The following OSBPL3 variants were observed in gnomAD, a reference collection of about 807,000 sequenced individuals.
OSBPL3 encodes the protein oxysterol-binding protein-related protein 3.
A neutral mutation model predicts 120.1 loss-of-function variants in OSBPL3; 65 were observed. The ratio of observed to expected loss-of-function variants is 0.54; its 90% confidence interval spans 0.44 to 0.67. The LOEUF (loss-of-function observed/expected upper bound fraction) is 0.67. Ranked by LOEUF, OSBPL3 falls within the 30% of genes least tolerant of loss-of-function variation. The probability of loss-of-function intolerance (pLI) is 0.00; values close to 1 mark genes in which losing one functional copy is unlikely to be tolerated. For synonymous variants in OSBPL3, 416 were observed against 402.6 expected, an observed-to-expected ratio of 1.03 and a Z score of -0.40; for missense variants, 1,004 against 1,082.1, an observed-to-expected ratio of 0.93 and a Z score of 1.01.
At chr7:24,923,410 C>T (rs1810647484) in intron 1 of OSBPL3, among the ~76,000 whole-genome samples, 1 of 152,214 alleles carries the variant, frequency 6.6e-6, no homozygotes, top group African/African-American at 2.4e-5. Context: ...CAACCAGATT[C>T]CCTTCCTCAG....
intron 22 of OSBPL3, among the ~76,000 whole-genome samples, chr7:24,801,350 A>G (rs2128091185): frequency 6.6e-6 from 1 of 152,146 alleles, no homozygotes; most frequent in South Asian, 2.1e-4. Flanking sequence ...GACCAAATTC[A>G]AAGGGCGCAA....
Position 24,806,691 on chromosome 7 carries a change from C to G in OSBPL3, c.2444+85G>C, listed in dbSNP as rs949485025. 3.1e-5 allele frequency: 38 copies of G among 1,236,252 alleles called. No individual in the cohort carries two copies. Among genetic ancestry groups the G allele is most frequent in the Non-Finnish European group, 4.1e-5 (36 of 881,274 alleles). The allele number at this position is 1,236,252 out of a possible 1,614,324, so 76.6% of individuals were successfully genotyped here. A position where few individuals can be genotyped will look rare whatever the true frequency, so the allele number is the denominator to read the frequency against. On this transcript the variant is annotated intron_variant, in intron 21 of 22. Coordinates refer to ENST00000313367, the MANE Select transcript of OSBPL3 (RefSeq NM_015550.4). This position sits in a 1 kb window ranked among gnomAD's most constrained non-coding sequence, Gnocchi z 5.2. ...TGACATTTTCCACCTTTCTCAGGTGCCTCTGGTGGCCTAAGGATTGTTAAT... is the reference window on the plus strand; with the variant it reads ...TGACATTTTCCACCTTTCTCAGGTGGCTCTGGTGGCCTAAGGATTGTTAAT...
intron 1 of OSBPL3, among the ~76,000 whole-genome samples, chr7:24,919,402 A>AG (rs1810110347): frequency 6.6e-6 from 1 of 152,148 alleles, no homozygotes; most frequent in African/African-American, 2.4e-5. Context: ...GATAATCCAA[A>AG]GGGGAAATAA....
At chr7:24,911,821 A>G (rs984174059) in intron 1 of OSBPL3, among the ~76,000 whole-genome samples, 3 of 152,234 alleles carry the variant, frequency 2.0e-5, no homozygotes, top group African/African-American at 7.2e-5. Context: ...AACCTGAGAC[A>G]CTTTTAAACT....
At position 24,834,641 on chromosome 7, in the gene OSBPL3, T is replaced by C; in HGVS notation, c.1591A>G (p.Ile531Val). 2.5e-6 allele frequency: 4 copies of C among 1,614,222 alleles called. No individual in the cohort carries two copies. The highest frequency in any genetic ancestry group is 3.4e-6 in the Non-Finnish European group (4 of 1,180,016). The change falls in exon 15 of 23, where the codon ATC becomes GTC. Residue 531 changes from isoleucine (I) to valine (V), a missense_variant. Coordinates refer to ENST00000313367, the MANE Select transcript of OSBPL3 (RefSeq NM_015550.4). The surrounding 1 kb of genome is among the most constrained non-coding windows in gnomAD (Gnocchi z 5.2). ...PSSSNISLWNILRNNIGKDLS... is the reference protein window; with the variant it reads ...PSSSNISLWNVLRNNIGKDLS... Reference sequence around the variant, plus strand: ...TCCTTCCCGATGTTGTTCCTCAGGATGTTCCACAGGCTGATGTTACTGCTG... The same window carrying C: ...TCCTTCCCGATGTTGTTCCTCAGGACGTTCCACAGGCTGATGTTACTGCTG...
Position 24,873,544 on chromosome 7 carries a change from T to C in OSBPL3, c.97-1475A>G, listed in dbSNP as rs950184274. ...GGAGTTGTGAAAAAGACTTCTTCAA[T>C]GGAAAAAAGCAAAGCTTCGAAAAAA... On this transcript the variant is annotated intron_variant, in intron 2 of 22. Coordinates refer to ENST00000313367, the MANE Select transcript of OSBPL3 (RefSeq NM_015550.4). The surrounding 1 kb of genome is among the most constrained non-coding windows in gnomAD (Gnocchi z 4.1). Among the ~76,000 whole-genome samples the C allele has an allele frequency of 1.4e-4, 21 of 151,922 alleles. No homozygotes were observed. Among genetic ancestry groups the C allele is most frequent in the African/African-American group, 4.8e-4 (20 of 41,352 alleles).
chr7:24,894,147 A>G lies in OSBPL3; in HGVS notation c.-149-1526T>C, dbSNP rs1805781349. 6.6e-6 allele frequency among the ~76,000 whole-genome samples: 1 copy of G among 151,404 alleles called. No homozygotes were observed. Among genetic ancestry groups the G allele is most frequent in the South Asian group, 2.1e-4 (1 of 4,824 alleles). On this transcript the variant is annotated intron_variant, in intron 1 of 22. Transcript: ENST00000313367. The surrounding 1 kb of genome is among the most constrained non-coding windows in gnomAD (Gnocchi z 4.1). ...CTTTCCTACACCTTCATTAACACTT[A>G]GTTCTTCAAAAATAAAAAAGAGTAC... is the stretch of plus-strand genomic sequence containing the variant.
chr7:24,923,638 G>C (rs1810682695), intron 1 of OSBPL3, among the ~76,000 whole-genome samples: 1 of 152,212 alleles, frequency 6.6e-6, no homozygotes, highest in South Asian at 2.1e-4. Flanking sequence ...CAGAGTGTGA[G>C]GCACAGAGAC....
In OSBPL3 at chr7:24,863,326, G is replaced by A. The variant is rs1362162567; in HGVS notation, c.778-34C>T. On this transcript the variant is annotated intron_variant, in intron 8 of 22. Coordinates refer to ENST00000313367, the MANE Select transcript of OSBPL3 (RefSeq NM_015550.4). This position sits in a 1 kb window ranked among gnomAD's most constrained non-coding sequence, Gnocchi z 5.8. The stretch of plus-strand genomic sequence containing the variant: ...CAAAACAGGAAAGAGAGCACAGACA[G>A]TAAAGTCCACCAAACCGACAAGGAT... 1.9e-6 allele frequency: 3 copies of A among 1,573,068 alleles called. No individual in the cohort carries two copies. Among genetic ancestry groups the A allele is most frequent in the South Asian group, 2.2e-5 (2 of 90,298 alleles).
chr7:24,931,741 T>C (rs1051663543), intron 1 of OSBPL3, among the ~76,000 whole-genome samples: 4 of 151,770 alleles, frequency 2.6e-5, no homozygotes, highest in East Asian at 3.9e-4. Context: ...GCAACTAATA[T>C]AGTCTTTCCT....
intron 16 of OSBPL3, among the ~76,000 whole-genome samples, chr7:24,823,814 C>T (rs562889226): frequency 6.6e-6 from 1 of 152,248 alleles, no homozygotes; most frequent in East Asian, 1.9e-4. Context: ...AACTTCAATG[C>T]CCATGGAAAA....
chr7:24,962,649 A>C (rs1359477327), intron 1 of OSBPL3, among the ~76,000 whole-genome samples: 1 of 152,250 alleles, frequency 6.6e-6, no homozygotes, highest in Non-Finnish European at 1.5e-5. Flanking sequence ...GCCTGTAGCT[A>C]AGAGACACAC....
chr7:24,905,691 T>TC (rs1473472902), intron 1 of OSBPL3, among the ~76,000 whole-genome samples: 1 of 152,178 alleles, frequency 6.6e-6, no homozygotes, highest in Non-Finnish European at 1.5e-5. Context: ...AAAACTATTC[T>TC]CTTTGATAGG....
rs374778792 is a variant in OSBPL3 at position 24,962,291 on chromosome 7, GAA to G, written c.-150+17593_-150+17594del. ...ACACTCCAGCCTGGGCGACGAGAGT[GAA>G]ACTCTATCAGAAATAAAGAAAGAAA... On this transcript the variant is annotated intron_variant, in intron 1 of 22. Coordinates refer to ENST00000313367, the MANE Select transcript of OSBPL3 (RefSeq NM_015550.4). 1.1e-3 allele frequency among the ~76,000 whole-genome samples: 164 copies of G among 150,898 alleles called. 4 individuals are homozygous for G. The highest frequency in any genetic ancestry group is 3.2e-3 in the African/African-American group (131 of 41,004).
Position 24,824,196 on chromosome 7 carries a change from A to G in OSBPL3, c.1885-3958T>C, listed in dbSNP as rs1222594115. ...TACGCAAGTATTTATATGGTAACAC[A>G]TGTATCTATCTTTCTTTCTACAAGC... On this transcript the variant is annotated intron_variant, in intron 16 of 22. Coordinates refer to ENST00000313367, the MANE Select transcript of OSBPL3 (RefSeq NM_015550.4). This position sits in a 1 kb window ranked among gnomAD's most constrained non-coding sequence, Gnocchi z 4.9. Among the ~76,000 whole-genome samples, 1 of 152,238 alleles carries G rather than the reference A, an allele frequency of 6.6e-6. No homozygotes were observed. The highest frequency in any genetic ancestry group is 2.4e-5 in the African/African-American group (1 of 41,460).
In OSBPL3 at chr7:24,968,777, A is replaced by G. The variant is rs1259606831; in HGVS notation, c.-150+11109T>C. 1.3e-5 allele frequency among the ~76,000 whole-genome samples: 2 copies of G among 152,210 alleles called. No homozygotes were observed. Among genetic ancestry groups the G allele is most frequent in the African/African-American group, 4.8e-5 (2 of 41,450 alleles). ...ATATGCATACTTTCATATAAAATAT[A>G]TATTATATATGGATATTCTATACTT... On this transcript the variant is annotated intron_variant, in intron 1 of 22. Coordinates refer to ENST00000313367, the MANE Select transcript of OSBPL3 (RefSeq NM_015550.4). This position sits in a 1 kb window ranked among gnomAD's most constrained non-coding sequence, Gnocchi z 4.6.
rs1382758275 is a variant in OSBPL3, at chr7:24,959,226, TATATACTCAATAAAAACGC to T, written c.-150+20641_-150+20659del. ...GTGACCCAGCAATTCTACTCCTTGG[TATATACTCAATAAAAACGC>T]ACACATTTGTTCACCAAAAGTTATG... On this transcript the variant is annotated intron_variant, in intron 1 of 22. Transcript: ENST00000313367. The surrounding 1 kb of genome is among the most constrained non-coding windows in gnomAD (Gnocchi z 4.3). Among the ~76,000 whole-genome samples, 7 of 152,068 alleles carry T rather than the reference TATATACTCAATAAAAACGC, an allele frequency of 4.6e-5. No homozygotes were observed. The highest frequency in any genetic ancestry group is 2.4e-5 in the African/African-American group (1 of 41,418).
intron 1 of OSBPL3, among the ~76,000 whole-genome samples, chr7:24,927,792 G>A (rs1811244490): frequency 2.0e-5 from 3 of 152,244 alleles, no homozygotes; most frequent in East Asian, 1.9e-4. Flanking sequence ...GTGCTTTGCT[G>A]TTCCACACCT....
chr7:24,811,572 A>G (rs1206805223), intron 19 of OSBPL3, among the ~76,000 whole-genome samples: 1 of 152,226 alleles, frequency 6.6e-6, no homozygotes, highest in African/African-American at 2.4e-5. Context: ...AAAAATAATA[A>G]CTGCCCTGAC....
Sources: gnomAD v4.1 joint callset for allele counts (sites outside exome capture counted in the v4.1 genomes callset) on GRCh38, gnomAD v4.1.1 for gene constraint, Gnocchi (gnomAD v3.1) non-coding constraint, MANE v1.5 for transcripts, NCBI Gene and HGNC (gene_info 2026-07-23, HGNC 2026-07-21) for gene names.